EPB41L4A: variants seen among roughly 807,000 people sequenced by gnomAD.
EPB41L4A encodes the protein band 4.1-like protein 4A.
A neutral mutation model predicts 108.6 loss-of-function variants in EPB41L4A; 100 were observed. That is an observed-to-expected ratio of 0.92 (90% CI 0.78 to 1.09). The LOEUF (loss-of-function observed/expected upper bound fraction) is 1.09, where lower values mean the gene tolerates loss of function less well. Among genes scored for constraint, EPB41L4A ranks in the 50% least tolerant of loss-of-function variants. The pLI is 0.00. For synonymous variants in EPB41L4A, 319 were observed against 289.0 expected, an observed-to-expected ratio of 1.10 and a Z score of -1.05; for missense variants, 1,030 against 842.7, an observed-to-expected ratio of 1.22 and a Z score of -2.75.
At chr5:112,398,428 G>A (rs1022616795) in intron 1 of EPB41L4A, among the ~76,000 whole-genome samples, 1 of 151,934 alleles carries the variant, frequency 6.6e-6, no homozygotes, top group Admixed American at 6.6e-5. Context: ...TCACTCTGTC[G>A]TCCAGGCTGG....
chr5:112,286,433 T>C (rs1304335324), intron 2 of EPB41L4A, among the ~76,000 whole-genome samples: 1 of 152,182 alleles, frequency 6.6e-6, no homozygotes, highest in African/African-American at 2.4e-5. Flanking sequence ...TTTTATTCCG[T>C]CATTCTCCTT....
intron 1 of EPB41L4A, among the ~76,000 whole-genome samples, chr5:112,334,571 A>G (rs971143928): frequency 6.6e-6 from 1 of 152,138 alleles, no homozygotes; most frequent in Admixed American, 6.5e-5. Context: ...ATCTCTGTCT[A>G]CCAACTGCCA....
At chr5:112,232,128 A>AAAAAG (rs1554081818) in intron 12 of EPB41L4A, among the ~76,000 whole-genome samples, 1 of 145,322 alleles carries the variant, frequency 6.9e-6, no homozygotes, top group Admixed American at 6.8e-5. Flanking sequence ...AAAAAAAAAA[A>AAAAAG]AGAGAGAGAG....
rs557159587 is a variant in EPB41L4A at position 112,144,484 on chromosome 5, C to A, written n.1113-604G>T. ...GTAGAGATGAGTTTTGCCAAGTTGC[C>A]CAGGCTGGTCTTGAACTCCTGGGCC... is the stretch of plus-strand genomic sequence containing the variant. On this transcript the variant is annotated intron_variant and non_coding_transcript_variant, in intron 13 of 13. Transcript: ENST00000507810. Among the ~76,000 whole-genome samples the A allele has an allele frequency of 2.6e-5, 4 of 152,194 alleles. No homozygotes were observed. The East Asian group carries it at 5.8e-4, about 22-fold the overall frequency.
chr5:112,391,638 C>A (rs1387919714), intron 1 of EPB41L4A, among the ~76,000 whole-genome samples: 1 of 152,106 alleles, frequency 6.6e-6, no homozygotes, highest in Non-Finnish European at 1.5e-5. Context: ...GAGAATGGAA[C>A]CAAGGGGGAA....
At chr5:112,373,157 G>A (rs560137468) in intron 1 of EPB41L4A, among the ~76,000 whole-genome samples, 6 of 152,212 alleles carry the variant, frequency 3.9e-5, no homozygotes, top group Non-Finnish European at 5.9e-5. Context: ...AGGAAGGCAA[G>A]TGAGGATGCT....
In EPB41L4A at chr5:112,235,036, A is replaced by G. The variant is rs536873782; in HGVS notation, c.966-281T>C. Among the ~76,000 whole-genome samples, 7 of 152,350 alleles carry G rather than the reference A, an allele frequency of 4.6e-5. No homozygotes were observed. The East Asian group carries it at 1.2e-3, about 25-fold the overall frequency. On this transcript the variant is annotated intron_variant, in intron 11 of 22. Transcript: ENST00000261486. ...TTCAGTAGAATGATGGGCTAGAAAT[A>G]AAGGTTGCTGACAGTCTTTAAGGTC... is the stretch of plus-strand genomic sequence containing the variant.
chr5:112,352,001 C>T (rs149662488), intron 1 of EPB41L4A, among the ~76,000 whole-genome samples: 304 of 152,284 alleles, frequency 2.0e-3, no homozygotes, highest in Middle Eastern at 6.8e-3. Flanking sequence ...GACACCTCAA[C>T]ATAATAACGG....
chr5:112,269,396 T>A (rs1654805594), intron 4 of EPB41L4A, among the ~76,000 whole-genome samples: 1 of 152,176 alleles, frequency 6.6e-6, no homozygotes, highest in South Asian at 2.1e-4. Context: ...ATGTTAAACA[T>A]TTTATAGCGT....
chr5:112,340,582 T>A (rs1480109716), intron 1 of EPB41L4A, among the ~76,000 whole-genome samples: 1 of 152,214 alleles, frequency 6.6e-6, no homozygotes, highest in Non-Finnish European at 1.5e-5. Flanking sequence ...ATATAAAGAC[T>A]AAATAGCAAT....
intron 9 of EPB41L4A, among the ~76,000 whole-genome samples, chr5:112,248,565 A>G (rs879617544): frequency 6.6e-6 from 1 of 152,178 alleles, no homozygotes; most frequent in Admixed American, 6.6e-5. Context: ...TTACTGCTCC[A>G]TGGGTCTCTA....
At chr5:112,350,142 TATTTTGTTTA>T (rs1408242432) in intron 1 of EPB41L4A, among the ~76,000 whole-genome samples, 1 of 64,996 alleles carries the variant, frequency 1.5e-5, no homozygotes, top group Non-Finnish European at 4.6e-5. Flanking sequence ...AATCTTTATA[TATTTTGTTTA>T]ATTTTAATTC....
At chr5:112,409,075 G>C (rs1762261036) in intron 1 of EPB41L4A, among the ~76,000 whole-genome samples, 1 of 152,050 alleles carries the variant, frequency 6.6e-6, no homozygotes, top group South Asian at 2.1e-4. Context: ...ACAGTGTAAA[G>C]AACCCAAAAG....
intron 12 of EPB41L4A, among the ~76,000 whole-genome samples, chr5:112,218,152 G>A (rs1747789573): frequency 1.3e-5 from 2 of 152,310 alleles, no homozygotes; most frequent in South Asian, 2.1e-4. Flanking sequence ...GGATTTGTGA[G>A]GCTAGGAAGG....
At chr5:112,349,961 C>T (rs966235354) in intron 1 of EPB41L4A, among the ~76,000 whole-genome samples, 4 of 152,080 alleles carry the variant, frequency 2.6e-5, no homozygotes, top group Non-Finnish European at 4.4e-5. Flanking sequence ...ATCATAGGGG[C>T]GAAGACGACG....
At chr5:112,223,976 G>C (rs559923908) in intron 12 of EPB41L4A, among the ~76,000 whole-genome samples, 3 of 152,278 alleles carry the variant, frequency 2.0e-5, no homozygotes, top group South Asian at 4.1e-4. Context: ...TTTTGAGACG[G>C]AGTCTTACTC....
intron 1 of EPB41L4A, among the ~76,000 whole-genome samples, chr5:112,358,314 G>A (rs536081506): frequency 4.6e-5 from 7 of 152,300 alleles, no homozygotes; most frequent in African/African-American, 1.7e-4. Context: ...GTTTTTCAGG[G>A]ATTGGTTATG....
chr5:112,217,894 A>G (rs1747764753), intron 12 of EPB41L4A, among the ~76,000 whole-genome samples: 1 of 152,152 alleles, frequency 6.6e-6, no homozygotes, highest in African/African-American at 2.4e-5. Flanking sequence ...AAACATGTCT[A>G]TGCATGAAAG....
intron 1 of EPB41L4A, among the ~76,000 whole-genome samples, chr5:112,314,526 AAAAAAAAAAAAAG>A (rs1181155593): frequency 2.3e-4 from 31 of 132,764 alleles, no homozygotes; most frequent in Middle Eastern, 3.6e-3. Context: ...AAAAAAAAAA[AAAAAAAAAAAAAG>A]AAAAGAAATT....
Sources: gnomAD v4.1 joint callset for allele counts (sites outside exome capture counted in the v4.1 genomes callset) on GRCh38, gnomAD v4.1.1 for gene constraint, MANE v1.5 for transcripts, NCBI Gene and HGNC (gene_info 2026-07-23, HGNC 2026-07-21) for gene names.